The following KIF14 variants were observed in gnomAD, a reference collection of about 807,000 sequenced individuals.
The protein encoded by KIF14 is kinesin-like protein KIF14.
KIF14 carries 98 observed loss-of-function variants against 176.2 expected under a neutral mutation model. The ratio of observed to expected loss-of-function variants is 0.56; its 90% CI spans 0.47 to 0.66. KIF14 has a LOEUF of 0.66. KIF14 is among the 30% of genes least tolerant of loss of function. The pLI, the probability that KIF14 is intolerant of heterozygous loss-of-function variation, is 0.00. For missense variants in KIF14, 1,751 were observed against 1,920.4 expected, an observed-to-expected ratio of 0.91 and a Z score of 1.65; for synonymous variants, 566 against 632.2, an observed-to-expected ratio of 0.90 and a Z score of 1.57.
Position 200,554,535 on chromosome 1 carries a change from A to G in KIF14, c.4500T>C (p.Ala1500=), listed in dbSNP as rs747148883. ...YQDFKRMVNR[A]PEFLKLKHCL... ...AATGTTTTAACTTTAAGAATTCTGG[A>G]GCACGATTAACCATCCTCTTGAAAT... Residue 1500 remains alanine, a synonymous_variant, in exon 29 of 30, where the codon GCT becomes GCC. Transcript: ENST00000367350. The G allele has an allele frequency of 6.4e-7, 1 of 1,556,346 alleles. No homozygotes were observed. The highest frequency in any genetic ancestry group is 2.3e-5 in the East Asian group (1 of 44,302).
At chr1:200,584,074 G>A (rs73070696) in intron 19 of KIF14, among the ~76,000 whole-genome samples, 12,874 of 151,528 alleles carry the variant, frequency 0.085, 588 homozygotes, top group Non-Finnish European at 0.096. Flanking sequence ...AAACCCCATC[G>A]CTACTAAAAA....
Position 200,553,763 on chromosome 1 carries a change from G to A in KIF14, c.4572C>T (p.Cys1524=). ...TCTGGAGAAGATTTATATCACTATG[G>A]CATCCTATATGCAAGAGAGGAGGGA... ...IEIIISALKG[C]HSDINLLQTC... Residue 1524 remains cysteine, a synonymous_variant, in exon 30 of 30, where the codon TGC becomes TGT. Coordinates refer to ENST00000367350, the MANE Select transcript of KIF14 (RefSeq NM_014875.3). 2 of 1,594,600 alleles carry A rather than the reference G, an allele frequency of 1.3e-6. No individual in the cohort carries two copies. The highest frequency in any genetic ancestry group is 1.7e-6 in the Non-Finnish European group (2 of 1,167,792).
At chr1:200,559,537 A>G in intron 26 of KIF14, 85 bp from the exon 27 acceptor site, 1 of 703,428 alleles carries the variant, frequency 1.4e-6, no homozygotes. Context: ...TATATTTTAA[A>G]TTATCAAGTA....
intron 1 of KIF14, among the ~76,000 whole-genome samples, 170 bp from the exon 2 acceptor site, chr1:200,619,008 C>T (rs949060043): frequency 6.6e-6 from 1 of 152,210 alleles, no homozygotes; most frequent in Admixed American, 6.5e-5. Flanking sequence ...TCTCAGAGAA[C>T]TTACCATCAT....
intron 18 of KIF14, among the ~76,000 whole-genome samples, chr1:200,588,429 C>T (rs1338093879): frequency 2.0e-5 from 3 of 151,798 alleles, no homozygotes; most frequent in Non-Finnish European, 4.4e-5. Context: ...TTAGTAGAGA[C>T]AGGGTTTCAC....
chr1:200,564,034 G>A (rs1458777373), intron 25 of KIF14, among the ~76,000 whole-genome samples: 1 of 152,062 alleles, frequency 6.6e-6, no homozygotes, highest in Non-Finnish European at 1.5e-5. Context: ...AGCTGAGGGG[G>A]GCGGATCACC....
intron 1 of KIF14, among the ~76,000 whole-genome samples, chr1:200,619,233 G>A (rs1183973687): frequency 1.3e-5 from 2 of 151,852 alleles, no homozygotes; most frequent in Non-Finnish European, 2.9e-5. Flanking sequence ...GAATGGGAAG[G>A]ACTAAAGGAA....
intron 25 of KIF14, 99 bp from the exon 26 acceptor site, chr1:200,560,979 CCAG>C (rs1318361731): frequency 2.8e-5 from 32 of 1,148,332 alleles, no homozygotes; most frequent in Non-Finnish European, 4.1e-5. Context: ...GCCTGTAATT[CCAG>C]CAGTTTGGGA....
In KIF14 at chr1:200,618,300, T is replaced by C. The variant is rs1378239504; in HGVS notation, c.424A>G (p.Lys142Glu). 1 of 1,613,900 alleles carries C rather than the reference T, an allele frequency of 6.2e-7. No individual in the cohort carries two copies. ...KWKTAEIDSVKMTLNVGGETE... is the reference protein window; with the variant it reads ...KWKTAEIDSVEMTLNVGGETE... Reference sequence around the variant, plus strand: ...TCACCTCCCACATTCAGTGTCATTTTGACAGAATCTATTTCAGCTGTTTTC... The same window carrying C: ...TCACCTCCCACATTCAGTGTCATTTCGACAGAATCTATTTCAGCTGTTTTC... Residue 142 changes from lysine (K) to glutamate (E), a missense_variant, in exon 2 of 30, where the codon AAA becomes GAA. Physicochemically the swap from Lys to Glu is moderately conservative, Grantham distance 56 (BLOSUM62 1). Transcript: ENST00000367350.
At chr1:200,616,607 T>TG (rs1342399157) in intron 2 of KIF14, among the ~76,000 whole-genome samples, 2 of 152,214 alleles carry the variant, frequency 1.3e-5, no homozygotes, top group African/African-American at 4.8e-5. Flanking sequence ...CCTGCCCTGA[T>TG]GCAGTGGTCA....
intron 14 of KIF14, among the ~76,000 whole-genome samples, chr1:200,594,855 T>C (rs1659248796): frequency 6.6e-6 from 1 of 152,208 alleles, no homozygotes; most frequent in African/African-American, 2.4e-5. Flanking sequence ...AGTTCACCCT[T>C]AGGCACTACA....
chr1:200,592,743 T>C (rs1346163169), intron 15 of KIF14, among the ~76,000 whole-genome samples: 1 of 152,222 alleles, frequency 6.6e-6, no homozygotes, highest in Non-Finnish European at 1.5e-5. Flanking sequence ...GTTAGGTGAT[T>C]TCATAGTTGT....
chr1:200,605,311 A>C lies in KIF14; in HGVS notation c.1718T>G (p.Val573Gly). Reference protein sequence around the residue: ...MNDKSSRSHSVFTLVMTQTKT... With the variant: ...MNDKSSRSHSGFTLVMTQTKT... ...GGTCTGGGTCATCACCAGGGTGAAA[A>C]CTGAATGAGATCGGGAACTTTTATC... The change falls in exon 8 of 30, where the codon GTT (valine) becomes GGT (glycine). Residue 573 changes from valine (V) to glycine (G), a missense_variant. Physicochemically the swap from Val to Gly is moderately radical, Grantham distance 109. Coordinates refer to ENST00000367350, the MANE Select transcript of KIF14 (RefSeq NM_014875.3). The C allele has an allele frequency of 6.2e-7, 1 of 1,613,388 alleles. No individual in the cohort carries two copies.
intron 19 of KIF14, among the ~76,000 whole-genome samples, chr1:200,584,609 T>C (rs1658637495): frequency 6.6e-6 from 1 of 152,240 alleles, no homozygotes; most frequent in Non-Finnish European, 1.5e-5. Flanking sequence ...AAAAATCATA[T>C]GATCATTTCA....
intron 5 of KIF14, 56 bp downstream of exon 5, chr1:200,608,774 A>G: frequency 9.5e-7 from 1 of 1,054,290 alleles, no homozygotes; most frequent in South Asian, 1.3e-5. Flanking sequence ...TCAAATAATT[A>G]GATACATTTA....
At chr1:200,573,820 G>A (rs1156772936) in intron 22 of KIF14, among the ~76,000 whole-genome samples, 3 of 152,144 alleles carry the variant, frequency 2.0e-5, no homozygotes, top group Admixed American at 1.3e-4. Context: ...GGCCTAAAAT[G>A]ATTTAGAAAC....
At position 200,617,858 on chromosome 1, in the gene KIF14, G is replaced by C. The variant is rs1388501779; in HGVS notation, c.866C>G (p.Thr289Arg). 1.9e-6 allele frequency: 3 copies of C among 1,614,028 alleles called. No homozygotes were observed. The highest frequency in any genetic ancestry group is 1.7e-5 in the Admixed American group (1 of 60,006). The change falls in exon 2 of 30, where the codon ACA becomes AGA. Residue 289 changes from threonine to arginine, a missense_variant. By Grantham distance (71) the Thr-to-Arg change is moderately conservative. Coordinates refer to ENST00000367350, the MANE Select transcript of KIF14 (RefSeq NM_014875.3). The stretch of plus-strand genomic sequence containing the variant: ...CTTAAGCTGAGGCAGGCTGCACTTT[G>C]TTGTCAGTTTGTGTTCTGTTGTACA... ...TKCTTEHKLT[T>R]KCSLPQLKSP...
At chr1:200,601,590 A>C (rs142965661) in intron 11 of KIF14, among the ~76,000 whole-genome samples, 3 of 152,182 alleles carry the variant, frequency 2.0e-5, no homozygotes, top group Admixed American at 6.5e-5. Context: ...AAAAATAGTA[A>C]ATAGTTTTAT....
rs182045181 is a variant in KIF14, at chr1:200,555,857, C to T, written c.4354-403G>A. Among the ~76,000 whole-genome samples the T allele has an allele frequency of 5.5e-4, 83 of 152,144 alleles. 1 individual carries two copies. The highest frequency in any genetic ancestry group is 1.8e-3 in the African/African-American group (75 of 41,532). On this transcript the variant is annotated intron_variant, in intron 27 of 29. Coordinates refer to ENST00000367350, the MANE Select transcript of KIF14 (RefSeq NM_014875.3). ...ATTCACCTGTATTCATTAATAATTT[C>T]TTTCAAAATAAATTGCACATTGATT...
Sources: allele counts gnomAD v4.1 joint callset (sites outside exome capture counted in the v4.1 genomes callset), GRCh38; gene constraint gnomAD v4.1.1; transcripts MANE v1.5; gene names NCBI Gene and HGNC (gene_info 2026-07-23, HGNC 2026-07-21).